Variants in CEP112 observed in about 807,000 individuals in gnomAD.
The protein encoded by CEP112 is centrosomal protein 112.
A neutral mutation model predicts 153.0 loss-of-function variants in CEP112; 127 were observed. The ratio of observed to expected loss-of-function variants is 0.83; its 90% CI spans 0.72 to 0.96. The LOEUF (loss-of-function observed/expected upper bound fraction) is 0.96, where lower values mean the gene tolerates loss of function less well. Ranked by LOEUF, CEP112 falls within the 40% of genes least tolerant of loss-of-function variation. The pLI is 0.00. For synonymous variants in CEP112, 358 were observed against 374.4 expected, an observed-to-expected ratio of 0.96 and a Z score of 0.51; for missense variants, 1,089 against 1,101.2, an observed-to-expected ratio of 0.99 and a Z score of 0.16.
intron 21 of CEP112, among the ~76,000 whole-genome samples, chr17:65,789,322 C>T (rs1299194711): frequency 6.6e-6 from 1 of 152,040 alleles, no homozygotes; most frequent in East Asian, 1.9e-4. Context: ...ACTTATTGTC[C>T]TATTCACTCT....
chr17:65,827,603 C>T (rs1006410898), intron 21 of CEP112, among the ~76,000 whole-genome samples: 28 of 152,194 alleles, frequency 1.8e-4, no homozygotes, highest in South Asian at 4.2e-4. Context: ...CAGATCATGT[C>T]CCTTCATGGC....
At chr17:66,145,535 GT>G (rs2070884689) in intron 4 of CEP112, among the ~76,000 whole-genome samples, 1 of 151,928 alleles carries the variant, frequency 6.6e-6, no homozygotes, top group Non-Finnish European at 1.5e-5. Context: ...ACTCATTTCA[GT>G]TTTTCCCCAG....
At chr17:66,015,737 T>C (rs983107789) in intron 16 of CEP112, among the ~76,000 whole-genome samples, 4 of 152,230 alleles carry the variant, frequency 2.6e-5, no homozygotes, top group Non-Finnish European at 5.9e-5. Flanking sequence ...CATTTTTTAA[T>C]CTTGTATTGA....
chr17:66,132,412 G>A (rs1240480954), intron 5 of CEP112, among the ~76,000 whole-genome samples: 1 of 151,980 alleles, frequency 6.6e-6, no homozygotes, highest in Non-Finnish European at 1.5e-5. Flanking sequence ...TGAACAAAGG[G>A]AAAATGTTAT....
intron 16 of CEP112, among the ~76,000 whole-genome samples, chr17:66,021,626 C>T (rs2065001966): frequency 1.3e-5 from 2 of 152,206 alleles, no homozygotes; most frequent in Admixed American, 1.3e-4. Context: ...ACACCCATCA[C>T]TTCCCATGCA....
At chr17:65,785,414 C>G (rs1292052281) in intron 21 of CEP112, among the ~76,000 whole-genome samples, 1 of 152,300 alleles carries the variant, frequency 6.6e-6, no homozygotes, top group East Asian at 1.9e-4. Flanking sequence ...AATGACTGCA[C>G]CATTTTACAA....
intron 8 of CEP112, among the ~76,000 whole-genome samples, chr17:66,091,444 T>C (rs1365622674): frequency 6.6e-6 from 1 of 152,132 alleles, no homozygotes; most frequent in Non-Finnish European, 1.5e-5. Context: ...GAACAGCTAC[T>C]ATGTCAAAGA....
Position 66,153,342 on chromosome 17 carries a change from C to T in CEP112, c.471-20579G>A, listed in dbSNP as rs140578118. 3.8e-3 allele frequency among the ~76,000 whole-genome samples: 576 copies of T among 151,690 alleles called. 6 individuals are homozygous for T. The highest frequency in any genetic ancestry group is 0.013 in the African/African-American group (547 of 41,310). ...ATGTGGTATACTCATCAATGAAATA[C>T]CACTCAGGAACACGAAGGAATGAAC... On this transcript the variant is annotated intron_variant, in intron 4 of 26. Coordinates refer to ENST00000535342, the MANE Select transcript of CEP112 (RefSeq NM_001199165.4).
intron 21 of CEP112, among the ~76,000 whole-genome samples, chr17:65,807,262 T>A (rs1196088322): frequency 2.0e-5 from 3 of 152,306 alleles, no homozygotes. Context: ...GCATTCAGGA[T>A]GTGATTGGCT....
intron 21 of CEP112, among the ~76,000 whole-genome samples, chr17:65,760,214 T>C (rs2052530799): frequency 6.6e-6 from 1 of 152,054 alleles, no homozygotes; most frequent in African/African-American, 2.4e-5. Flanking sequence ...ACAAAGAGAG[T>C]TCTATTTCTT....
chr17:65,926,617 G>A (rs750298309), intron 19 of CEP112, among the ~76,000 whole-genome samples: 5 of 152,112 alleles, frequency 3.3e-5, no homozygotes, highest in Middle Eastern at 3.2e-3. Context: ...GGAGGCTGAG[G>A]CAGAAGAATC....
chr17:65,774,281 A>G (rs2053553627), intron 21 of CEP112, among the ~76,000 whole-genome samples: 1 of 152,138 alleles, frequency 6.6e-6, no homozygotes, highest in South Asian at 2.1e-4. Context: ...TCCCGAGAAA[A>G]GACCCTATTT....
At chr17:65,848,775 T>G (rs1407735588) in intron 21 of CEP112, among the ~76,000 whole-genome samples, 1 of 152,240 alleles carries the variant, frequency 6.6e-6, no homozygotes, top group African/African-American at 2.4e-5. Context: ...CAGAAACTTC[T>G]ACATTCCTGA....
intron 2 of CEP112, chr17:66,181,995 GAAC>G (rs1189240345): frequency 6.6e-6 from 1 of 152,164 alleles, no homozygotes; most frequent in Non-Finnish European, 1.5e-5. Context: ...GAAGGCCCTA[GAAC>G]AATAAGTGAA....
intron 11 of CEP112, among the ~76,000 whole-genome samples, chr17:66,061,457 G>A (rs1369673393): frequency 6.6e-6 from 1 of 151,814 alleles, no homozygotes; most frequent in Non-Finnish European, 1.5e-5. Flanking sequence ...AAATCAATAT[G>A]TCAGAGATAT....
intron 20 of CEP112, among the ~76,000 whole-genome samples, chr17:65,876,058 G>A (rs561932988): frequency 6.6e-6 from 1 of 152,164 alleles, no homozygotes; most frequent in African/African-American, 2.4e-5. Context: ...CTCATGAATA[G>A]TATCTAGAGT....
At chr17:65,737,228 G>C (rs1435265973) in intron 23 of CEP112, among the ~76,000 whole-genome samples, 1 of 152,118 alleles carries the variant, frequency 6.6e-6, no homozygotes, top group African/African-American at 2.4e-5. Flanking sequence ...TGGTAAGGTA[G>C]ACATCATACA....
intron 19 of CEP112, chr17:65,914,032 AG>A (rs1021367477): frequency 6.5e-5 from 15 of 231,086 alleles, no homozygotes; most frequent in South Asian, 1.6e-4. Context: ...ATGCTTCAAA[AG>A]GGTTTTTTTT....
At chr17:65,929,612 A>G (rs2061051288) in intron 18 of CEP112, among the ~76,000 whole-genome samples, 1 of 150,502 alleles carries the variant, frequency 6.6e-6, no homozygotes. Context: ...GATTCACTAT[A>G]TAATCTACAT....
Sources: gnomAD v4.1 joint callset for allele counts (sites outside exome capture counted in the v4.1 genomes callset) on GRCh38, gnomAD v4.1.1 for gene constraint, MANE v1.5 for transcripts, NCBI Gene and HGNC (gene_info 2026-07-23, HGNC 2026-07-21) for gene names.